Variants in ANKDD1A observed in about 807,000 individuals in gnomAD.
ANKDD1A encodes the protein ankyrin repeat and death domain containing 1A.
A neutral mutation model predicts 63.5 loss-of-function variants in ANKDD1A; 59 were observed. The observed-to-expected ratio is 0.93, with a 90% CI of 0.75 to 1.15. The LOEUF is 1.15. ANKDD1A is among the 50% of genes most tolerant of loss of function. The pLI, the probability that ANKDD1A is intolerant of heterozygous loss-of-function variation, is 0.00. For missense variants in ANKDD1A, 632 were observed against 656.4 expected (o/e 0.96, Z 0.41); for synonymous variants, 266 against 263.9 (o/e 1.01, Z -0.08).
chr15:64,954,803 TTCTTCCTTG>T (rs2085398374), intron 14 of ANKDD1A, among the ~76,000 whole-genome samples: 1 of 150,640 alleles, frequency 6.6e-6, no homozygotes, highest in Non-Finnish European at 1.5e-5. Context: ...TTAGTTGTTC[TTCTTCCTTG>T]TTCTTCTCCT....
In ANKDD1A at chr15:64,947,457, G is replaced by A. The variant is rs760428890; in HGVS notation, c.1215G>A (p.Arg405=). The A allele has an allele frequency of 2.9e-5, 47 of 1,613,954 alleles. No individual in the cohort carries two copies. Among genetic ancestry groups the A allele is most frequent in the African/African-American group, 6.7e-5 (5 of 74,922 alleles). Residue 405 remains arginine (R), a synonymous_variant, in exon 13 of 15, where the codon CGG becomes CGA. Coordinates refer to ENST00000319580, the MANE Select transcript of ANKDD1A (RefSeq NM_182703.6). ...GCTTGTCCTTTAAGCAGGACCATCG[G>A]CAGGAAACACAGCAGCTCCGTTCTG... ...GKSLSFKQDH[R]QETQQLRSVL...
chr15:64,954,206 TCTTTTCTTC>T (rs2085377064), intron 14 of ANKDD1A, among the ~76,000 whole-genome samples: 4 of 4,232 alleles, frequency 9.5e-4, no homozygotes, highest in East Asian at 0.011. Flanking sequence ...TGTTCCTTAT[TCTTTTCTTC>T]TTCTTCTTCT....
intron 14 of ANKDD1A, chr15:64,950,316 T>A: frequency 2.0e-6 from 2 of 985,426 alleles, no homozygotes; most frequent in Non-Finnish European, 2.4e-6. Context: ...TCCAGACTTT[T>A]TTCACAAACA....
chr15:64,936,650 G>C (rs1156340349), intron 9 of ANKDD1A, among the ~76,000 whole-genome samples: 3 of 151,988 alleles, frequency 2.0e-5, no homozygotes, highest in Non-Finnish European at 4.4e-5. Flanking sequence ...ACCAGCCTGG[G>C]CAGCATAGTG....
intron 14 of ANKDD1A, among the ~76,000 whole-genome samples, chr15:64,953,702 CTTCTTCTCCTTG>C (rs1356275753): frequency 2.0e-4 from 3 of 14,972 alleles, no homozygotes; most frequent in African/African-American, 3.2e-4. Context: ...CTTCTTCTTT[CTTCTTCTCCTTG>C]TTCTTCTCCT....
intron 13 of ANKDD1A, among the ~76,000 whole-genome samples, chr15:64,949,164 A>C (rs1352400674): frequency 6.6e-6 from 1 of 152,268 alleles, no homozygotes; most frequent in Non-Finnish European, 1.5e-5. Flanking sequence ...ACAGCACTGG[A>C]GAGCCAGCTG....
intron 14 of ANKDD1A, among the ~76,000 whole-genome samples, chr15:64,951,743 TCC>T (rs2085285533): frequency 2.8e-5 from 2 of 71,516 alleles, no homozygotes; most frequent in Admixed American, 3.4e-4. Context: ...TCCTCCTTCT[TCC>T]TCTTCTTCCT....
chr15:64,943,800 C>T (rs556571689), intron 11 of ANKDD1A: 3 of 584,806 alleles, frequency 5.1e-6, no homozygotes, highest in East Asian at 2.9e-5. Flanking sequence ...GCCCACCCCC[C>T]TCTGGTATAG....
At chr15:64,925,610 GGAAGGCAGATACCTA>G (rs2085040420) in intron 4 of ANKDD1A, among the ~76,000 whole-genome samples, 1 of 152,122 alleles carries the variant, frequency 6.6e-6, no homozygotes, top group Non-Finnish European at 1.5e-5. Context: ...GCTGTATCAA[GGAAGGCAGATACCTA>G]GAACCTTCTT....
intron 8 of ANKDD1A, among the ~76,000 whole-genome samples, chr15:64,933,515 C>G (rs1366871063): frequency 6.6e-6 from 1 of 152,192 alleles, no homozygotes; most frequent in East Asian, 1.9e-4. Flanking sequence ...GGAGTTTGCT[C>G]TGTATTGGCA....
intron 3 of ANKDD1A, among the ~76,000 whole-genome samples, chr15:64,917,918 C>G (rs1218887793): frequency 2.0e-5 from 3 of 152,228 alleles, no homozygotes; most frequent in South Asian, 4.1e-4. Flanking sequence ...TAATAATAGT[C>G]TTAGTTAACC....
intron 6 of ANKDD1A, among the ~76,000 whole-genome samples, chr15:64,928,414 C>T (rs1213237294): frequency 1.3e-5 from 2 of 152,224 alleles, no homozygotes; most frequent in East Asian, 3.8e-4. Flanking sequence ...AGCATGAGCA[C>T]CAAGAACAGT....
At chr15:64,931,793 A>T in intron 8 of ANKDD1A, 1 of 608,808 alleles carries the variant, frequency 1.6e-6, no homozygotes, top group African/African-American at 1.8e-5. Context: ...CCAACTATAA[A>T]GTGCAGTGAC....
chr15:64,944,652 C>T lies in ANKDD1A; in HGVS notation c.1066C>T (p.Gln356Ter). The T allele has an allele frequency of 9.9e-6, 16 of 1,613,740 alleles. No homozygotes were observed. Among genetic ancestry groups the T allele is most frequent in the Non-Finnish European group, 1.3e-5 (15 of 1,179,822 alleles). ...AGVDLNLRDK[Q>*]GKTALAVAVR... ...TTCTCTTCTTGCCTCTTAATTGCAG[C>T]AGGGAAAAACCGCCCTGGCAGTGGC... The change falls in exon 12 of 15, where the codon CAG becomes TAG. Residue 356 changes from glutamine to a stop codon, truncating the protein, a stop_gained and splice_region_variant. Coordinates refer to ENST00000319580, the MANE Select transcript of ANKDD1A (RefSeq NM_182703.6). LOFTEE classifies it high-confidence loss of function.
intron 13 of ANKDD1A, among the ~76,000 whole-genome samples, chr15:64,948,695 C>T (rs111268431): frequency 0.046 from 6,993 of 151,760 alleles, 556 homozygotes; most frequent in African/African-American, 0.16. Flanking sequence ...GCATGATGGT[C>T]GGGTCCTGTA....
chr15:64,934,247 C>CGAGT lies in ANKDD1A; in HGVS notation c.867+15_867+18dup, dbSNP rs775386279. The CGAGT allele has an allele frequency of 1.2e-6, 2 of 1,606,312 alleles. No homozygotes were observed. On this transcript the variant is annotated intron_variant, in intron 9 of 14. Transcript: ENST00000319580. ...CGTGGTTGATCATGTAAGTATGGTG[C>CGAGT]GAGTGTTGAAGGGGGTCTCCATTGC...
At chr15:64,947,621 G>T in intron 13 of ANKDD1A, 28 bp downstream of exon 13, 1 of 1,609,556 alleles carries the variant, frequency 6.2e-7, no homozygotes, top group Non-Finnish European at 8.5e-7. Context: ...CTCGCCCTAA[G>T]CAACCATTGG....
chr15:64,954,469 CTTCCTCT>C (rs1227612170), intron 14 of ANKDD1A, among the ~76,000 whole-genome samples: 4 of 69,980 alleles, frequency 5.7e-5, no homozygotes, highest in African/African-American at 1.5e-4. Context: ...TCTTCTCCTT[CTTCCTCT>C]TTTTCTTCTT....
At position 64,926,950 on chromosome 15, in the gene ANKDD1A, C is replaced by T; in HGVS notation, c.521C>T (p.Ala174Val). Residue 174 changes from alanine to valine, a missense_variant, in exon 6 of 15, where the codon GCT becomes GTT. By Grantham distance (64) the Ala-to-Val change is moderately conservative (BLOSUM62 0). Transcript: ENST00000319580. ...HRAAEHGQLD[A>V]LDFLVGSGCD... Reference sequence around the variant, plus strand: ...GCAGCTGAGCACGGGCAGCTGGATGCTCTGGACTTCCTCGTGGGCTCTGGC... The same window carrying T: ...GCAGCTGAGCACGGGCAGCTGGATGTTCTGGACTTCCTCGTGGGCTCTGGC... The T allele has an allele frequency of 1.2e-6, 2 of 1,614,218 alleles. No homozygotes were observed. Among genetic ancestry groups the T allele is most frequent in the Non-Finnish European group, 8.5e-7 (1 of 1,180,034 alleles).
Sources: allele counts gnomAD v4.1 joint callset (sites outside exome capture counted in the v4.1 genomes callset), GRCh38; gene constraint gnomAD v4.1.1; transcripts MANE v1.5; gene names NCBI Gene and HGNC (gene_info 2026-07-23, HGNC 2026-07-21).